The following KCNT2 variants were observed in gnomAD, a reference collection of about 807,000 sequenced individuals.
The protein encoded by KCNT2 is potassium channel subfamily T member 2.
A neutral mutation model predicts 153.8 loss-of-function variants in KCNT2; 67 were observed. The ratio of observed to expected loss-of-function variants is 0.44; its 90% CI spans 0.36 to 0.53. The LOEUF is 0.53. Among genes scored for constraint, KCNT2 ranks in the 20% least tolerant of loss-of-function variants. The probability of loss-of-function intolerance (pLI) is 0.00; values close to 1 mark genes in which losing one functional copy is unlikely to be tolerated. For missense variants in KCNT2, 975 were observed against 1,354.8 expected (o/e 0.72, Z 4.40); for synonymous variants, 500 against 458.8 (o/e 1.09, Z -1.15).
intron 1 of KCNT2, among the ~76,000 whole-genome samples, chr1:196,572,802 T>G (rs572254893): frequency 6.6e-6 from 1 of 151,956 alleles, no homozygotes; most frequent in Middle Eastern, 3.4e-3. Flanking sequence ...AACAGAAGAG[T>G]TGCTGCAAAA....
intron 27 of KCNT2, among the ~76,000 whole-genome samples, chr1:196,232,208 G>T (rs184656791): frequency 5.7e-4 from 87 of 151,688 alleles, no homozygotes; most frequent in Admixed American, 1.8e-3. Context: ...ATAGCATTGT[G>T]GATTGATGAA....
intron 8 of KCNT2, among the ~76,000 whole-genome samples, chr1:196,431,237 A>G (rs948042860): frequency 6.6e-6 from 1 of 152,142 alleles, no homozygotes; most frequent in Non-Finnish European, 1.5e-5. Context: ...CAGCAGCACA[A>G]ATGAACTAAC....
At chr1:196,362,130 C>A (rs1210439925) in intron 14 of KCNT2, among the ~76,000 whole-genome samples, 1 of 152,012 alleles carries the variant, frequency 6.6e-6, no homozygotes, top group Non-Finnish European at 1.5e-5. Flanking sequence ...TTTGTTTGTT[C>A]TTGCTTTCTT....
At chr1:196,243,636 G>A (rs571849180) in intron 26 of KCNT2, among the ~76,000 whole-genome samples, 9 of 152,186 alleles carry the variant, frequency 5.9e-5, no homozygotes, top group Admixed American at 5.9e-4. Context: ...CCCACAGAGG[G>A]AACACTTAGA....
intron 13 of KCNT2, among the ~76,000 whole-genome samples, chr1:196,375,252 A>T (rs568559496): frequency 6.6e-6 from 1 of 151,738 alleles, no homozygotes; most frequent in African/African-American, 2.4e-5. Flanking sequence ...TTCGATAGTC[A>T]TTTTTGTATT....
intron 13 of KCNT2, among the ~76,000 whole-genome samples, chr1:196,390,216 T>G (rs1382133685): frequency 6.6e-6 from 1 of 151,620 alleles, no homozygotes; most frequent in Non-Finnish European, 1.5e-5. Context: ...TAAGTGGATC[T>G]TTTAAATCGT....
intron 1 of KCNT2, among the ~76,000 whole-genome samples, chr1:196,543,669 T>A (rs780897157): frequency 2.0e-5 from 3 of 152,162 alleles, no homozygotes; most frequent in Non-Finnish European, 4.4e-5. Flanking sequence ...GAATAAGGTA[T>A]GTAATATTTC....
intron 1 of KCNT2, among the ~76,000 whole-genome samples, chr1:196,500,205 GGAGAGAGAGAGAGAGAGACGGA>G (rs1216765051): frequency 7.7e-6 from 1 of 129,602 alleles, no homozygotes; most frequent in African/African-American, 3.0e-5. Context: ...GGAAGGAGGG[GGAGAGAGAGAGAGAGAGACGGA>G]GAGAGAGAGA....
chr1:196,293,010 C>A (rs554275283), intron 22 of KCNT2, among the ~76,000 whole-genome samples: 1 of 151,506 alleles, frequency 6.6e-6, no homozygotes, highest in African/African-American at 2.4e-5. Context: ...ATAATTAAAA[C>A]CAGTCCCATT....
In KCNT2 at chr1:196,448,313, G is replaced by T. The variant is rs545490072; in HGVS notation, c.638+16980C>A. On this transcript the variant is annotated intron_variant, in intron 8 of 27. Transcript: ENST00000294725. ...TGCAAGCAAAACTCTAAGGCAATAG[G>T]CAGGGAGCCAATGCTATTTGCACAT... 3.3e-3 allele frequency among the ~76,000 whole-genome samples: 503 copies of T among 151,648 alleles called. 2 individuals are homozygous for T. The highest frequency in any genetic ancestry group is 6.9e-3 in the Admixed American group (104 of 15,156).
intron 26 of KCNT2, among the ~76,000 whole-genome samples, chr1:196,247,675 G>T (rs1169244031): frequency 6.6e-6 from 1 of 152,202 alleles, no homozygotes; most frequent in Non-Finnish European, 1.5e-5. Flanking sequence ...GATCTTGTGA[G>T]AACTCACTAT....
At chr1:196,554,304 C>T (rs1004919030) in intron 1 of KCNT2, among the ~76,000 whole-genome samples, 13 of 150,744 alleles carry the variant, frequency 8.6e-5, no homozygotes, top group South Asian at 2.1e-4. Flanking sequence ...TAAATCAAAT[C>T]GGAGATGAAA....
chr1:196,386,397 G>A (rs1669989667), intron 13 of KCNT2, among the ~76,000 whole-genome samples: 2 of 152,182 alleles, frequency 1.3e-5, no homozygotes, highest in South Asian at 2.1e-4. Flanking sequence ...ACTAGCTTAC[G>A]AAATTGCAAT....
chr1:196,389,236 C>T (rs1034705522), intron 13 of KCNT2, among the ~76,000 whole-genome samples: 1 of 151,676 alleles, frequency 6.6e-6, no homozygotes. Context: ...GGATTTGCTA[C>T]TGATTTGTTG....
chr1:196,586,677 A>T (rs184706746), intron 1 of KCNT2, among the ~76,000 whole-genome samples: 1 of 151,974 alleles, frequency 6.6e-6, no homozygotes, highest in East Asian at 1.9e-4. Flanking sequence ...AGTCAGAGGC[A>T]AATAATTTAG....
intron 26 of KCNT2, among the ~76,000 whole-genome samples, chr1:196,236,730 C>G (rs1160156490): frequency 1.3e-5 from 2 of 151,210 alleles, no homozygotes; most frequent in African/African-American, 4.8e-5. Flanking sequence ...AAAGCTGAAC[C>G]CTTTTAATTT....
rs560405039 is a variant in KCNT2, at chr1:196,524,119, G to T, written c.96-31778C>A. Among the ~76,000 whole-genome samples the T allele has an allele frequency of 2.6e-5, 4 of 151,994 alleles. No individual in the cohort carries two copies. In the South Asian group the frequency reaches 8.3e-4, roughly 32 times the overall value. Reference sequence around the variant, plus strand: ...TAAACCAGCTTTATATGAAAATGTTGTAATCCTACTAAATTTCTTTGTTTC... The same window carrying T: ...TAAACCAGCTTTATATGAAAATGTTTTAATCCTACTAAATTTCTTTGTTTC... On this transcript the variant is annotated intron_variant, in intron 1 of 27. Transcript: ENST00000294725.
At chr1:196,361,104 CTA>C (rs1469138525) in intron 14 of KCNT2, among the ~76,000 whole-genome samples, 2 of 151,900 alleles carry the variant, frequency 1.3e-5, no homozygotes, top group Non-Finnish European at 2.9e-5. Flanking sequence ...GAACAGCAGC[CTA>C]TGGAGCGGAT....
At chr1:196,357,077 A>G (rs1558189775) in intron 14 of KCNT2, among the ~76,000 whole-genome samples, 3 of 151,882 alleles carry the variant, frequency 2.0e-5, no homozygotes, top group Admixed American at 6.6e-5. Flanking sequence ...TCATTTCCAT[A>G]TCTTCTCATT....
Sources: allele counts gnomAD v4.1 joint callset (sites outside exome capture counted in the v4.1 genomes callset), GRCh38; gene constraint gnomAD v4.1.1; transcripts MANE v1.5; gene names NCBI Gene and HGNC (gene_info 2026-07-23, HGNC 2026-07-21).